CHODL: variants seen among roughly 807,000 people sequenced by gnomAD.
CHODL encodes chondrolectin.
CHODL carries 29 observed loss-of-function variants against 34.5 expected under a neutral mutation model. The ratio of observed to expected loss-of-function variants is 0.84; its 90% CI spans 0.63 to 1.15. The LOEUF (loss-of-function observed/expected upper bound fraction) is 1.15, where lower values mean the gene tolerates loss of function less well. Among genes scored for constraint, CHODL ranks in the 50% most tolerant of loss-of-function variants. The probability of loss-of-function intolerance (pLI) is 0.00; values close to 1 mark genes in which losing one functional copy is unlikely to be tolerated. For missense variants in CHODL, 332 were observed against 332.5 expected, an observed-to-expected ratio of 1.00 and a Z score of 0.01; for synonymous variants, 125 against 116.1, an observed-to-expected ratio of 1.08 and a Z score of -0.49.
chr21:18,207,188 T>C (rs184886673), intron 2 of CHODL, among the ~76,000 whole-genome samples: 1 of 151,748 alleles, frequency 6.6e-6, no homozygotes, highest in Non-Finnish European at 1.5e-5. Context: ...TCCAGCTTCA[T>C]CTATGTCCCT....
At chr21:18,025,712 G>A (rs1316606420) in intron 1 of CHODL, among the ~76,000 whole-genome samples, 4 of 151,816 alleles carry the variant, frequency 2.6e-5, no homozygotes, top group East Asian at 1.9e-4. Context: ...CTCACAGATC[G>A]GGGAGCTAGA....
At chr21:18,175,363 G>A (rs927816682) in intron 2 of CHODL, among the ~76,000 whole-genome samples, 2 of 152,168 alleles carry the variant, frequency 1.3e-5, no homozygotes, top group Non-Finnish European at 2.9e-5. Flanking sequence ...GGAGACCAAG[G>A]TGGATGGATC....
In CHODL at chr21:18,147,880, G is replaced by A. The variant is rs118080105; in HGVS notation, c.-44-108629G>A. Among the ~76,000 whole-genome samples the A allele has an allele frequency of 2.0e-4, 30 of 152,316 alleles. No homozygotes were observed. The East Asian group carries it at 4.2e-3, about 22-fold the overall frequency. Reference sequence around the variant, plus strand: ...AAGTAGGTTCCTCCCTAAGCTCAAGGTGATGAATCATGACTGATTTAAACC... The same window carrying A: ...AAGTAGGTTCCTCCCTAAGCTCAAGATGATGAATCATGACTGATTTAAACC... On this transcript the variant is annotated intron_variant, in intron 2 of 6. Transcript: ENST00000400127.
intron 1 of CHODL, among the ~76,000 whole-genome samples, chr21:18,003,136 C>CAA (rs148355768): frequency 1.0e-3 from 146 of 141,070 alleles, no homozygotes; most frequent in African/African-American, 2.9e-3. Context: ...AAAAAAAAAA[C>CAA]AAAAAAAAAA....
chr21:18,157,488 A>G (rs2073048134), intron 2 of CHODL, among the ~76,000 whole-genome samples: 1 of 152,256 alleles, frequency 6.6e-6, no homozygotes, highest in Admixed American at 6.5e-5. Flanking sequence ...CATTATAGAT[A>G]TATTCCATTT....
rs150569885 is a variant in CHODL at position 17,957,246 on chromosome 21, C to T, written c.-145+39846C>T. On this transcript the variant is annotated intron_variant, in intron 1 of 6. Coordinates refer to the CHODL transcript ENST00000400127. ...TTGACCACCACCAACATGTTTAGGC[C>T]ACAACCGTGTCTCATATCTAGTTTC... 6.3e-3 allele frequency among the ~76,000 whole-genome samples: 962 copies of T among 152,190 alleles called. 14 individuals are homozygous for T. Among genetic ancestry groups the T allele is most frequent in the South Asian group, 0.045 (217 of 4,820 alleles).
At chr21:17,989,543 G>A (rs1251994082) in intron 1 of CHODL, among the ~76,000 whole-genome samples, 7 of 152,118 alleles carry the variant, frequency 4.6e-5, no homozygotes. Context: ...TTGACTGGCT[G>A]TCTGTAGCCT....
chr21:18,045,773 A>G (rs943778409), intron 2 of CHODL, among the ~76,000 whole-genome samples: 20 of 151,908 alleles, frequency 1.3e-4, no homozygotes, highest in Non-Finnish European at 2.8e-4. Flanking sequence ...TAATCTTACA[A>G]TTGACTAGAA....
At chr21:18,251,701 TA>T (rs1329421236) in intron 1 of CHODL, among the ~76,000 whole-genome samples, 1 of 120,536 alleles carries the variant, frequency 8.3e-6, no homozygotes, top group Non-Finnish European at 1.7e-5. Flanking sequence ...ATATTTTATT[TA>T]TTTATTTTAA....
chr21:17,934,293 A>G (rs1231229013), intron 1 of CHODL, among the ~76,000 whole-genome samples: 1 of 152,128 alleles, frequency 6.6e-6, no homozygotes, highest in Admixed American at 6.6e-5. Context: ...ATGAAAGAAA[A>G]TATATCACAA....
intron 1 of CHODL, among the ~76,000 whole-genome samples, chr21:17,934,064 G>C (rs1347777335): frequency 1.3e-5 from 2 of 150,030 alleles, no homozygotes; most frequent in East Asian, 3.9e-4. Context: ...AAAAGAAATA[G>C]TAGTCACTGG....
chr21:18,003,951 C>G (rs1465774161), intron 1 of CHODL, among the ~76,000 whole-genome samples: 4 of 152,152 alleles, frequency 2.6e-5, no homozygotes, highest in Admixed American at 6.5e-5. Context: ...ATCACTAACC[C>G]CATCAGACAT....
intron 2 of CHODL, among the ~76,000 whole-genome samples, chr21:18,070,888 CT>C (rs111964274): frequency 0.02 from 2,840 of 144,524 alleles, 58 homozygotes; most frequent in Middle Eastern, 0.085. Flanking sequence ...TTATAGTATC[CT>C]TTTTTTTTTT....
intron 1 of CHODL, among the ~76,000 whole-genome samples, chr21:17,967,137 G>A (rs1017597472): frequency 3.3e-5 from 5 of 151,966 alleles, no homozygotes; most frequent in Admixed American, 6.5e-5. Context: ...TGCCCACCTC[G>A]ACCTCTCAAA....
intron 1 of CHODL, among the ~76,000 whole-genome samples, chr21:18,249,089 A>ATTTACTATATAT (rs1568955884): frequency 3.2e-5 from 4 of 125,186 alleles, no homozygotes; most frequent in African/African-American, 1.3e-4. Flanking sequence ...ATATATAATA[A>ATTTACTATATAT]AATATATATA....
chr21:18,222,591 CCT>C (rs1328690270), intron 2 of CHODL, among the ~76,000 whole-genome samples: 3 of 152,034 alleles, frequency 2.0e-5, no homozygotes, highest in Non-Finnish European at 1.5e-5. Context: ...CTGCTGAAGA[CCT>C]CTTACTGACC....
At chr21:17,961,886 G>T (rs1267565350) in intron 1 of CHODL, among the ~76,000 whole-genome samples, 2 of 152,180 alleles carry the variant, frequency 1.3e-5, no homozygotes, top group Non-Finnish European at 2.9e-5. Flanking sequence ...AGAAGAAAGG[G>T]TCTAGTATTT....
At chr21:18,088,362 C>A (rs1028330365) in intron 2 of CHODL, among the ~76,000 whole-genome samples, 2 of 152,128 alleles carry the variant, frequency 1.3e-5, no homozygotes, top group Admixed American at 1.3e-4. Flanking sequence ...GTGGTCACAG[C>A]CATGTCTGTA....
At chr21:18,194,884 T>C (rs745971627) in intron 2 of CHODL, among the ~76,000 whole-genome samples, 11 of 152,114 alleles carry the variant, frequency 7.2e-5, no homozygotes, top group Admixed American at 4.6e-4. Flanking sequence ...TTTTGAAGTA[T>C]GTATATATTG....
Sources: gnomAD v4.1 joint callset for allele counts (sites outside exome capture counted in the v4.1 genomes callset) on GRCh38, gnomAD v4.1.1 for gene constraint, MANE v1.5 for transcripts, NCBI Gene and HGNC (gene_info 2026-07-23, HGNC 2026-07-21) for gene names.